SLCO4A1: variants seen among roughly 807,000 people sequenced by gnomAD.
SLCO4A1 encodes colon organic anion transporter.
Under a neutral mutation model 64.6 loss-of-function variants are expected in SLCO4A1, and 51 were observed. The ratio of observed to expected loss-of-function variants is 0.79; its 90% CI spans 0.63 to 1.00. The LOEUF (loss-of-function observed/expected upper bound fraction) is 1.00. SLCO4A1 is among the 50% of genes least tolerant of loss of function. The probability of loss-of-function intolerance (pLI) is 0.00; values close to 1 mark genes in which losing one functional copy is unlikely to be tolerated. For missense variants in SLCO4A1, 919 were observed against 980.5 expected (o/e 0.94, Z 0.84); for synonymous variants, 471 against 444.9 (o/e 1.06, Z -0.74).
At chr20:62,675,449 G>A (rs866275321), downstream of SLCO4A1, among the ~76,000 whole-genome samples, 8 of 152,118 alleles carry the variant, frequency 5.3e-5, no homozygotes, top group African/African-American at 1.9e-4. Flanking sequence ...CCCTCGCCTC[G>A]ATCTAAGCTC....
At chr20:62,660,675 C>T (rs1158571911) in intron 4 of SLCO4A1, 142 bp downstream of exon 4, 8 of 1,098,878 alleles carry the variant, frequency 7.3e-6, no homozygotes, top group Non-Finnish European at 5.3e-6. Flanking sequence ...GTGTTCTTCC[C>T]ATCTGGGTGG....
At position 62,660,939 on chromosome 20, in the gene SLCO4A1, G is replaced by A. The variant is rs1984670578; in HGVS notation, c.1010-125G>A. 4.4e-6 allele frequency: 3 copies of A among 674,950 alleles called. No homozygotes were observed. In the South Asian group the frequency reaches 5.3e-5, roughly 12 times the overall value. The allele number at this position is 674,950 out of a possible 1,614,324, so 41.8% of individuals were successfully genotyped here. A position where few individuals can be genotyped will look rare whatever the true frequency, so the allele number is the denominator to read the frequency against. The stretch of plus-strand genomic sequence containing the variant: ...CTCCCCGGGGCTGCGAGGGCTGCAG[G>A]GATGTCAGACAGTGACGTTCCCAGA... On this transcript the variant is annotated intron_variant, in intron 4 of 11. Coordinates refer to ENST00000217159, the MANE Select transcript of SLCO4A1 (RefSeq NM_016354.4).
At chr20:62,658,819 G>T in intron 3 of SLCO4A1, 52 bp downstream of exon 3, 1 of 1,460,736 alleles carries the variant, frequency 6.8e-7, no homozygotes, top group South Asian at 1.2e-5. Flanking sequence ...ACGTGTCTCT[G>T]GAAGGGGGTT....
chr20:62,677,597 G>A (rs529907670), intron 2 of SLCO4A1, among the ~76,000 whole-genome samples: 8 of 152,228 alleles, frequency 5.3e-5, no homozygotes, highest in Admixed American at 2.0e-4. Flanking sequence ...GGAAGGGGGC[G>A]TAGAGACCTG....
At position 62,658,777 on chromosome 20, in the gene SLCO4A1, C is replaced by A; in HGVS notation, c.887+10C>A. 6.3e-7 allele frequency: 1 copy of A among 1,594,986 alleles called. No homozygotes were observed. The highest frequency in any genetic ancestry group is 8.5e-7 in the Non-Finnish European group (1 of 1,170,230). On this transcript the variant is annotated intron_variant, in intron 3 of 11. Transcript: ENST00000217159. ...CGGAAATGGGCCGACGGTGAGTGGC[C>A]GCGCACCCAGCTGCCTGCGCTGGAG...
chr20:62,683,295 G>A lies in SLCO4A1; in HGVS notation n.212-2146G>A, dbSNP rs7265228. On this transcript the variant is annotated intron_variant and non_coding_transcript_variant, in intron 2 of 2. Transcript: ENST00000466818. ...GGACCTCGGGCTCTCGGGAGCGGCCGTGACGGAGCTCAGACCCAGCACTTC... is the reference window on the plus strand; with the variant it reads ...GGACCTCGGGCTCTCGGGAGCGGCCATGACGGAGCTCAGACCCAGCACTTC... Among the ~76,000 whole-genome samples the A allele has an allele frequency of 8.0e-3, 1,211 of 152,218 alleles. 20 individuals carry two copies. Among genetic ancestry groups the A allele is most frequent in the African/African-American group, 0.028 (1,149 of 41,528 alleles).
chr20:62,648,884 G>A (rs6062690), intron 1 of SLCO4A1: 6 of 152,246 alleles, frequency 3.9e-5, no homozygotes, highest in African/African-American at 7.2e-5. Flanking sequence ...TGGGCTCCTC[G>A]TGGGTGCGAC....
At chr20:62,663,553 G>A (rs545335170) in intron 5 of SLCO4A1, 14 of 152,376 alleles carry the variant, frequency 9.2e-5, no homozygotes, top group African/African-American at 3.4e-4. Flanking sequence ...ACTGTGGGCT[G>A]ATGTGAGAGG....
chr20:62,661,041 C>CCCCCCCCCCCCCCCCCCA lies in SLCO4A1; in HGVS notation c.1010-23_1010-22insCCCCCCCCCCCCCCCCCA. Reference sequence around the variant, plus strand: ...TCCGGGAGCCCCCAGCCCCCAGCCCCAGCTCACTCTGTGCCCTTCCAGGCT... The same window carrying CCCCCCCCCCCCCCCCCCA: ...TCCGGGAGCCCCCAGCCCCCAGCCCCCCCCCCCCCCCCCCCCCAAGCTCACTCTGTGCCCTTCCAGGCT... On this transcript the variant is annotated intron_variant, in intron 4 of 11. Transcript: ENST00000217159. This position sits in a 1 kb window ranked among gnomAD's most constrained non-coding sequence, Gnocchi z 5.2. 1.4e-6 allele frequency: 2 copies of CCCCCCCCCCCCCCCCCCA among 1,424,142 alleles called. No homozygotes were observed. Among genetic ancestry groups the CCCCCCCCCCCCCCCCCCA allele is most frequent in the Non-Finnish European group, 2.0e-6 (2 of 1,010,140 alleles). The allele number at this position is 1,424,142 out of a possible 1,614,324, so 88.2% of individuals were successfully genotyped here. A position where few individuals can be genotyped will look rare whatever the true frequency, so the allele number is the denominator to read the frequency against.
chr20:62,671,800 G>T lies in SLCO4A1; in HGVS notation c.2076G>T (p.Leu692=), dbSNP rs781459532. 1.2e-6 allele frequency: 2 copies of T among 1,613,690 alleles called. No individual in the cohort carries two copies. The highest frequency in any genetic ancestry group is 2.2e-5 in the South Asian group (2 of 91,088). Residue 692 remains leucine (L), a synonymous_variant, in exon 12 of 12, where the codon CTG becomes CTT. Transcript: ENST00000217159. ...TAGCCTGCTTCTTATACAAGCCCCT[G>T]TCGGAGTCTTCAGATGGCCTGGAAA... ...FAIACFLYKP[L]SESSDGLETC...
At chr20:62,657,656 A>G (rs973978586) in intron 2 of SLCO4A1, among the ~76,000 whole-genome samples, 11 of 152,218 alleles carry the variant, frequency 7.2e-5, no homozygotes, top group Non-Finnish European at 1.6e-4. Flanking sequence ...ATAAGTGACG[A>G]GGGACAGAGC....
chr20:62,674,511 G>A (rs914336907), downstream of SLCO4A1, among the ~76,000 whole-genome samples: 12 of 152,198 alleles, frequency 7.9e-5, no homozygotes, highest in Non-Finnish European at 1.3e-4. Flanking sequence ...GGCGGCACAC[G>A]CGGTCTGGCC....
chr20:62,661,023 G>GCCCCCAGCCCCCCCCCCCCCCC lies in SLCO4A1; in HGVS notation c.1010-29_1010-28insCCCCCCCCCCCCCCCAGCCCCC. Reference sequence around the variant, plus strand: ...CTCTCGGAGAAGTCCACCTCCGGGAGCCCCCAGCCCCCAGCCCCAGCTCAC... The same window carrying GCCCCCAGCCCCCCCCCCCCCCC: ...CTCTCGGAGAAGTCCACCTCCGGGAGCCCCCAGCCCCCCCCCCCCCCCCCCCCAGCCCCCAGCCCCAGCTCAC... On this transcript the variant is annotated intron_variant, in intron 4 of 11. Transcript: ENST00000217159. The surrounding 1 kb of genome is among the most constrained non-coding windows in gnomAD (Gnocchi z 5.2). 2.7e-6 allele frequency: 2 copies of GCCCCCAGCCCCCCCCCCCCCCC among 732,790 alleles called. No homozygotes were observed. The highest frequency in any genetic ancestry group is 2.9e-5 in the South Asian group (2 of 69,412). The allele number at this position is 732,790 out of a possible 1,614,324, so 45.4% of individuals were successfully genotyped here. A position where few individuals can be genotyped will look rare whatever the true frequency, so the allele number is the denominator to read the frequency against.
At chr20:62,659,542 T>G (rs1984381432) in intron 3 of SLCO4A1, among the ~76,000 whole-genome samples, 1 of 152,106 alleles carries the variant, frequency 6.6e-6, no homozygotes, top group Non-Finnish European at 1.5e-5. Flanking sequence ...AGCCTGGAGG[T>G]AGGCTGGAGC....
At chr20:62,648,373 G>A (rs1233257843) in intron 1 of SLCO4A1, among the ~76,000 whole-genome samples, 2 of 152,258 alleles carry the variant, frequency 1.3e-5, no homozygotes, top group Non-Finnish European at 1.5e-5. Context: ...TGGGCCGAGA[G>A]GTGAGTGGGT....
intron 11 of SLCO4A1, 121 bp downstream of exon 11, chr20:62,669,199 C>A: frequency 9.9e-7 from 1 of 1,012,268 alleles, no homozygotes; most frequent in Non-Finnish European, 1.5e-6. Context: ...TTCCTGCAGC[C>A]AGTTTGTAGA....
At chr20:62,668,449 G>T (rs1017217900) in intron 9 of SLCO4A1, 28 bp from the exon 10 acceptor site, 1 of 1,612,674 alleles carries the variant, frequency 6.2e-7, no homozygotes, top group Non-Finnish European at 8.5e-7. Flanking sequence ...ACTTCTGTGG[G>T]TGCTGACGCT....
At chr20:62,659,710 C>T (rs1984412834) in intron 3 of SLCO4A1, among the ~76,000 whole-genome samples, 1 of 152,222 alleles carries the variant, frequency 6.6e-6, no homozygotes, top group Non-Finnish European at 1.5e-5. Context: ...CGCCTGGCTG[C>T]AGCCTTGCAG....
chr20:62,655,498 G>C (rs1983514286), intron 1 of SLCO4A1, among the ~76,000 whole-genome samples: 1 of 152,256 alleles, frequency 6.6e-6, no homozygotes, highest in Non-Finnish European at 1.5e-5. Context: ...CAGTAGGGGG[G>C]AGCTGTTGCT....
Sources: gnomAD v4.1 joint callset for allele counts (sites outside exome capture counted in the v4.1 genomes callset) on GRCh38, gnomAD v4.1.1 for gene constraint, Gnocchi (gnomAD v3.1) non-coding constraint, MANE v1.5 for transcripts, NCBI Gene and HGNC (gene_info 2026-07-23, HGNC 2026-07-21) for gene names.